Variants in BLNK observed in about 807,000 individuals in gnomAD.
The protein encoded by BLNK is B cell linker.
BLNK carries 29 observed loss-of-function variants against 73.5 expected under a neutral mutation model. That is an observed-to-expected ratio of 0.39 (90% CI 0.29 to 0.54). The LOEUF is 0.54. Among genes scored for constraint, BLNK ranks in the 20% least tolerant of loss-of-function variants. BLNK has a pLI of 0.61. For synonymous variants in BLNK, 176 were observed against 200.8 expected, an observed-to-expected ratio of 0.88 and a Z score of 1.04; for missense variants, 460 against 562.8, an observed-to-expected ratio of 0.82 and a Z score of 1.85.
chr10:96,202,761 T>G (rs11188664), intron 13 of BLNK, among the ~76,000 whole-genome samples: 54,910 of 152,030 alleles, frequency 0.36, 10,525 homozygotes, highest in Admixed American at 0.46. Context: ...CAGGGCAGTT[T>G]GTGGTTTCTG....
At chr10:96,238,732 T>G (rs1173976064) in intron 3 of BLNK, among the ~76,000 whole-genome samples, 3 of 152,108 alleles carry the variant, frequency 2.0e-5, no homozygotes, top group African/African-American at 7.2e-5. Context: ...GGATTGAGTG[T>G]AAGAGCAGGG....
At chr10:96,201,171 A>C (rs2083623076) in intron 13 of BLNK, 113 bp from the exon 14 acceptor site, 11 of 955,792 alleles carry the variant, frequency 1.2e-5, no homozygotes, top group Non-Finnish European at 1.8e-5. Flanking sequence ...ACCAAAAAAA[A>C]TCCTTAAGGC....
chr10:96,231,343 A>T (rs587727962), intron 3 of BLNK, among the ~76,000 whole-genome samples: 4 of 151,734 alleles, frequency 2.6e-5, no homozygotes, highest in South Asian at 2.1e-4. Flanking sequence ...TTTTCTTGTT[A>T]AAAAAAAATT....
intron 6 of BLNK, among the ~76,000 whole-genome samples, chr10:96,223,498 C>T (rs2084249052): frequency 6.6e-6 from 1 of 151,818 alleles, no homozygotes; most frequent in African/African-American, 2.4e-5. Flanking sequence ...AACAACAGGA[C>T]AGAGAAGCAA....
intron 6 of BLNK, among the ~76,000 whole-genome samples, chr10:96,219,145 C>T (rs3961930): frequency 0.93 from 140,929 of 152,308 alleles, 65,945 homozygotes; most frequent in Non-Finnish European, 1. Context: ...TATGAACTCC[C>T]GAAGGGCAGG....
At chr10:96,248,188 T>C (rs1843128509) in intron 1 of BLNK, among the ~76,000 whole-genome samples, 1 of 152,158 alleles carries the variant, frequency 6.6e-6, no homozygotes. Flanking sequence ...AACTACATAT[T>C]AGTTTGCTGC....
Position 96,200,106 on chromosome 10 carries a change from G to C in BLNK, c.1064C>G (p.Ser355Cys). Reference sequence around the variant, plus strand: ...TGATCTGTGCAATGCCTCTTCAGCAGACTTTCGATCACAGGCTCCAGCATA... The same window carrying C: ...TGATCTGTGCAATGCCTCTTCAGCACACTTTCGATCACAGGCTCCAGCATA... ...PWYAGACDRK[S>C]AEEALHRSNK... is the part of the protein sequence containing the mutation. Residue 355 changes from serine to cysteine, a missense_variant, in exon 15 of 17, where the codon TCT becomes TGT. This residue lies in a region of BLNK where 88 missense variants were observed against 143.4 expected (regional missense o/e 0.61). Coordinates refer to ENST00000224337, the MANE Select transcript of BLNK (RefSeq NM_013314.4). The surrounding 1 kb of genome is among the most constrained non-coding windows in gnomAD (Gnocchi z 4.3). The C allele has an allele frequency of 6.2e-7, 1 of 1,614,040 alleles. No individual in the cohort carries two copies. The highest frequency in any genetic ancestry group is 8.5e-7 in the Non-Finnish European group (1 of 1,179,982).
At chr10:96,203,996 C>A in intron 13 of BLNK, 61 bp downstream of exon 13, 1 of 1,448,612 alleles carries the variant, frequency 6.9e-7, no homozygotes, top group South Asian at 1.1e-5. Context: ...CCAGGCCTAT[C>A]AGACTCTAGG....
Position 96,227,604 on chromosome 10 carries a change from C to T in BLNK, c.205-38G>A, listed in dbSNP as rs200572150. ...ATGCAGACACTGTGCTCAGCATCCC[C>T]GTCTGTGCTGCCTGGCCGTCAGGAC... On this transcript the variant is annotated intron_variant, in intron 4 of 16. Coordinates refer to ENST00000224337, the MANE Select transcript of BLNK (RefSeq NM_013314.4). The T allele has an allele frequency of 9.8e-5, 158 of 1,612,868 alleles. No homozygotes were observed. The African/African-American group carries it at 1.2e-3, about 12-fold the overall frequency.
At chr10:96,230,700 C>T (rs186795210) in intron 4 of BLNK, 94 bp downstream of exon 4, 18 of 1,417,840 alleles carry the variant, frequency 1.3e-5, no homozygotes, top group African/African-American at 4.2e-5. Context: ...TTGGGACGTG[C>T]GGCTGACCAC....
rs144372124 is a variant in BLNK, at chr10:96,247,706, G to A, written c.48-657C>T. 2.6e-3 allele frequency among the ~76,000 whole-genome samples: 399 copies of A among 152,280 alleles called. 1 individual carries two copies. The highest frequency in any genetic ancestry group is 0.02 in the Middle Eastern group (6 of 294). On this transcript the variant is annotated intron_variant, in intron 1 of 16. Transcript: ENST00000224337. ...GCGTTATAGATGAGAAATGGAAAGTGCCTCTGATTGATCCCCTCCTGTAAC... is the reference window on the plus strand; with the variant it reads ...GCGTTATAGATGAGAAATGGAAAGTACCTCTGATTGATCCCCTCCTGTAAC...
chr10:96,241,503 G>A (rs76450909), intron 3 of BLNK, among the ~76,000 whole-genome samples: 506 of 152,228 alleles, frequency 3.3e-3, no homozygotes, highest in Non-Finnish European at 6.1e-3. Context: ...GAGGTTGCAG[G>A]CTAAACTTGG....
chr10:96,256,823 G>A (rs1221430588), intron 1 of BLNK, among the ~76,000 whole-genome samples: 1 of 144,312 alleles, frequency 6.9e-6, no homozygotes, highest in Non-Finnish European at 1.5e-5. Flanking sequence ...AGAGGTTGCA[G>A]TGAGACAAGA....
At chr10:96,236,651 G>C (rs1165513746) in intron 3 of BLNK, among the ~76,000 whole-genome samples, 11 of 152,016 alleles carry the variant, frequency 7.2e-5, no homozygotes, top group African/African-American at 2.2e-4. Flanking sequence ...GTGAGACATT[G>C]TCTCTACAAA....
chr10:96,191,919 G>C lies in BLNK; in HGVS notation c.*54C>G. 6.2e-7 allele frequency: 1 copy of C among 1,609,392 alleles called. No homozygotes were observed. The highest frequency in any genetic ancestry group is 2.2e-5 in the East Asian group (1 of 44,678). ...AAGTTTTGGGACTTTTTCTCAAAAGGAGAAACTTTGGGAAAGTGTCTGAAG... is the reference window on the plus strand; with the variant it reads ...AAGTTTTGGGACTTTTTCTCAAAAGCAGAAACTTTGGGAAAGTGTCTGAAG... On this transcript the variant is annotated 3_prime_UTR_variant, in exon 17 of 17. Coordinates refer to ENST00000224337, the MANE Select transcript of BLNK (RefSeq NM_013314.4).
chr10:96,260,010 C>G (rs1040782798), intron 1 of BLNK, among the ~76,000 whole-genome samples: 1 of 152,162 alleles, frequency 6.6e-6, no homozygotes, highest in African/African-American at 2.4e-5. Flanking sequence ...CCCTTCCCCT[C>G]TCTGACTTTA....
At position 96,190,045 on chromosome 10, in the gene BLNK, A is replaced by G. The variant is rs1554893038; in HGVS notation, c.*1928T>C. On this transcript the variant is annotated 3_prime_UTR_variant, in exon 17 of 17. Transcript: ENST00000224337. ...ATAATTCATTGCCTCTGCTTCAACA[A>G]TGTGCAGTTCATCCTTTGCACCAGC... is the stretch of plus-strand genomic sequence containing the variant. The G allele has an allele frequency of 8.6e-6, 7 of 809,950 alleles. No homozygotes were observed. The highest frequency in any genetic ancestry group is 2.4e-5 in the East Asian group (1 of 41,332). 50.2% of individuals were successfully genotyped at this position (809,950 alleles called of 1,614,324 possible).
chr10:96,256,113 C>T (rs1843496115), intron 1 of BLNK, among the ~76,000 whole-genome samples: 1 of 152,120 alleles, frequency 6.6e-6, no homozygotes, highest in Non-Finnish European at 1.5e-5. Context: ...GGGTGGATCA[C>T]TTGAGGTCAG....
At chr10:96,242,519 A>C (rs587729514) in intron 3 of BLNK, among the ~76,000 whole-genome samples, 1 of 152,352 alleles carries the variant, frequency 6.6e-6, no homozygotes, top group East Asian at 1.9e-4. Context: ...AAGATGTTTA[A>C]TAAGTGACCA....
Sources: allele counts gnomAD v4.1 joint callset (sites outside exome capture counted in the v4.1 genomes callset), GRCh38; gene constraint gnomAD v4.1.1; regional missense constraint gnomAD v4.1.1; non-coding constraint Gnocchi (gnomAD v3.1); transcripts MANE v1.5; gene names NCBI Gene and HGNC (gene_info 2026-07-23, HGNC 2026-07-21).